Variants in CADPS observed in about 807,000 individuals in gnomAD.
CADPS encodes calcium-dependent secretion activator 1.
In CADPS, 57 loss-of-function variants were observed where a neutral mutation model predicts 167.3. The observed-to-expected ratio is 0.34, with a 90% CI of 0.28 to 0.42. CADPS has a LOEUF of 0.42. Ranked by LOEUF, CADPS falls within the 20% of genes least tolerant of loss-of-function variation. The pLI is 1.00. For missense variants in CADPS, 1,414 were observed against 1,738.1 expected, an observed-to-expected ratio of 0.81 and a Z score of 3.32; for synonymous variants, 676 against 635.3, an observed-to-expected ratio of 1.06 and a Z score of -0.96.
At chr3:62,626,708 A>G (rs547898488) in intron 6 of CADPS, 8 of 539,598 alleles carry the variant, frequency 1.5e-5, no homozygotes, top group Admixed American at 6.8e-5. Context: ...ATTTACTAAC[A>G]TGGTTTTTAC....
chr3:62,648,393 C>T (rs2069083053), intron 5 of CADPS, among the ~76,000 whole-genome samples: 2 of 151,912 alleles, frequency 1.3e-5, no homozygotes, highest in African/African-American at 4.8e-5. Context: ...TAGAAAATTA[C>T]AGATTTAGCA....
intron 3 of CADPS, among the ~76,000 whole-genome samples, chr3:62,691,600 T>A (rs2079130988): frequency 6.6e-6 from 1 of 151,978 alleles, no homozygotes; most frequent in Non-Finnish European, 1.5e-5. Flanking sequence ...TAGGCAGCCA[T>A]AAAAAGGAAC....
chr3:62,462,635 G>A (rs2059498310), intron 26 of CADPS, among the ~76,000 whole-genome samples: 1 of 152,184 alleles, frequency 6.6e-6, no homozygotes, highest in Non-Finnish European at 1.5e-5. Flanking sequence ...TCAGAAATGG[G>A]AGTGGAGTTA....
chr3:62,580,504 G>A (rs1042422820), intron 8 of CADPS, among the ~76,000 whole-genome samples: 15 of 151,680 alleles, frequency 9.9e-5, no homozygotes, highest in Non-Finnish European at 5.9e-5. Context: ...AGTTAATGGT[G>A]CAGCACACCA....
intron 6 of CADPS, among the ~76,000 whole-genome samples, chr3:62,628,353 A>T (rs1433816518): frequency 6.6e-6 from 1 of 152,230 alleles, no homozygotes; most frequent in African/African-American, 2.4e-5. Flanking sequence ...AGCTTATAAA[A>T]GTACAAGAGA....
At chr3:62,750,129 G>C (rs1445758497) in intron 3 of CADPS, among the ~76,000 whole-genome samples, 1 of 151,828 alleles carries the variant, frequency 6.6e-6, no homozygotes, top group African/African-American at 2.4e-5. Context: ...AGGTGGGTGG[G>C]TCACCTGAGG....
chr3:62,617,758 T>C (rs938251193), intron 6 of CADPS, among the ~76,000 whole-genome samples: 4 of 152,160 alleles, frequency 2.6e-5, no homozygotes, highest in Non-Finnish European at 5.9e-5. Context: ...TTATGGAGGG[T>C]GGCTTACTTA....
At chr3:62,803,989 G>A (rs1277100877) in intron 1 of CADPS, among the ~76,000 whole-genome samples, 2 of 151,954 alleles carry the variant, frequency 1.3e-5, no homozygotes, top group Non-Finnish European at 2.9e-5. Context: ...AATGTCACTG[G>A]AAACGTCATT....
At chr3:62,811,191 T>C (rs1433177282) in intron 1 of CADPS, among the ~76,000 whole-genome samples, 2 of 152,142 alleles carry the variant, frequency 1.3e-5, no homozygotes, top group Non-Finnish European at 2.9e-5. Context: ...CTCCACAAGA[T>C]TGTTAATATT....
intron 3 of CADPS, among the ~76,000 whole-genome samples, chr3:62,704,895 T>C (rs1326971845): frequency 6.6e-6 from 1 of 152,146 alleles, no homozygotes; most frequent in Non-Finnish European, 1.5e-5. Context: ...TTTCCCTCTC[T>C]TTGTTGTATC....
intron 1 of CADPS, among the ~76,000 whole-genome samples, chr3:62,868,891 C>T (rs1284278106): frequency 6.6e-6 from 1 of 152,124 alleles, no homozygotes; most frequent in Non-Finnish European, 1.5e-5. Flanking sequence ...GCTTGTCCAT[C>T]CCCATCTCCA....
At chr3:62,680,730 A>T (rs1377767674) in intron 3 of CADPS, among the ~76,000 whole-genome samples, 1 of 152,010 alleles carries the variant, frequency 6.6e-6, no homozygotes, top group Non-Finnish European at 1.5e-5. Flanking sequence ...TTCAATTTTT[A>T]AAAAATCAGT....
In CADPS at chr3:62,594,223, G is replaced by A. The variant is rs868352134; in HGVS notation, c.1326-1475C>T. Among the ~76,000 whole-genome samples, 239 of 147,216 alleles carry A rather than the reference G, an allele frequency of 1.6e-3. 1 individual carries two copies. Among genetic ancestry groups the A allele is most frequent in the Middle Eastern group, 0.011 (3 of 282 alleles). ...GTCGCCCAGGCTGGAGTGCAGTGGC[G>A]GGATCTCGGCTCACTGCAAGCTCCG... On this transcript the variant is annotated intron_variant, in intron 6 of 29. Transcript: ENST00000383710.
intron 9 of CADPS, among the ~76,000 whole-genome samples, chr3:62,567,939 G>C (rs1056093491): frequency 3.3e-5 from 5 of 152,080 alleles, no homozygotes; most frequent in African/African-American, 1.2e-4. Context: ...GTGGATACCA[G>C]TTATTTTTAC....
intron 1 of CADPS, among the ~76,000 whole-genome samples, chr3:62,808,638 G>A (rs1341569857): frequency 6.6e-6 from 1 of 152,044 alleles, no homozygotes; most frequent in Non-Finnish European, 1.5e-5. Context: ...TCTGTTTGAT[G>A]TCAAATGTTG....
Position 62,516,168 on chromosome 3 carries a change from A to G in CADPS, c.2472T>C (p.Asp824=), listed in dbSNP as rs1277401896. 1.9e-6 allele frequency: 3 copies of G among 1,613,026 alleles called. No individual in the cohort carries two copies. Among genetic ancestry groups the G allele is most frequent in the Non-Finnish European group, 2.5e-6 (3 of 1,179,314 alleles). ...LSLLERVLMK[D]IVTPVPQEEV... is the part of the protein sequence containing the mutation. ...CCTCTTGTGGCACTGGGGTAACAATATCTTTCATCAAAACCTTCAAGTAGG... is the reference window on the plus strand; with the variant it reads ...CCTCTTGTGGCACTGGGGTAACAATGTCTTTCATCAAAACCTTCAAGTAGG... The change falls in exon 16 of 30, where the codon GAT becomes GAC. Residue 824 remains aspartate (D), a synonymous_variant. Transcript: ENST00000383710.
At chr3:62,507,024 T>A (rs1213844623) in intron 17 of CADPS, among the ~76,000 whole-genome samples, 1 of 152,196 alleles carries the variant, frequency 6.6e-6, no homozygotes. Flanking sequence ...CCTAGCTACA[T>A]GAACCAAAAA....
At position 62,563,899 on chromosome 3, in the gene CADPS, C is replaced by T. The variant is rs2079620651; in HGVS notation, c.1645-6386G>A. ...TTCCTTTTTATGGATGAGTAGTATT[C>T]CATCATATATATATAACATTCTGTA... On this transcript the variant is annotated intron_variant, in intron 9 of 29. Transcript: ENST00000383710. Among the ~76,000 whole-genome samples, 4 of 152,144 alleles carry T rather than the reference C, an allele frequency of 2.6e-5. No individual in the cohort carries two copies. In the South Asian group the frequency reaches 8.3e-4, roughly 31 times the overall value.
At chr3:62,684,004 A>C (rs139283712) in intron 3 of CADPS, among the ~76,000 whole-genome samples, 24 of 152,118 alleles carry the variant, frequency 1.6e-4, no homozygotes, top group African/African-American at 5.3e-4. Flanking sequence ...TCTTTACTGT[A>C]CAGTTACTTT....
Sources: gnomAD v4.1 joint callset for allele counts (sites outside exome capture counted in the v4.1 genomes callset) on GRCh38, gnomAD v4.1.1 for gene constraint, MANE v1.5 for transcripts, NCBI Gene and HGNC (gene_info 2026-07-23, HGNC 2026-07-21) for gene names.